Variants in SORCS1 observed in about 807,000 individuals in gnomAD.
SORCS1 encodes the protein VPS10 domain-containing receptor SorCS1.
In SORCS1, 60 loss-of-function variants were observed where a neutral mutation model predicts 146.1. The ratio of observed to expected loss-of-function variants is 0.41; its 90% CI spans 0.33 to 0.51. The LOEUF is 0.51. Among genes scored for constraint, SORCS1 ranks in the 20% least tolerant of loss-of-function variants. The pLI is 0.21. For synonymous variants in SORCS1, 637 were observed against 584.0 expected (o/e 1.09, Z -1.31); for missense variants, 1,352 against 1,487.6 (o/e 0.91, Z 1.50).
intron 2 of SORCS1, among the ~76,000 whole-genome samples, chr10:106,943,597 G>C (rs1054617342): frequency 2.0e-5 from 3 of 151,966 alleles, no homozygotes; most frequent in African/African-American, 7.3e-5. Context: ...CATGAGGTCA[G>C]GAGATCAAGA....
chr10:106,891,813 G>A (rs561902820), intron 2 of SORCS1, among the ~76,000 whole-genome samples: 1 of 152,234 alleles, frequency 6.6e-6, no homozygotes, highest in Admixed American at 6.5e-5. Context: ...GTTTGATAAA[G>A]ACATACAGGA....
At chr10:106,952,269 G>A (rs969304897) in intron 2 of SORCS1, among the ~76,000 whole-genome samples, 6 of 152,132 alleles carry the variant, frequency 3.9e-5, no homozygotes, top group African/African-American at 1.2e-4. Context: ...GTGACCAGAA[G>A]GGCTGAGATT....
At chr10:106,741,423 AC>A (rs1314874156) in intron 5 of SORCS1, among the ~76,000 whole-genome samples, 1 of 151,920 alleles carries the variant, frequency 6.6e-6, no homozygotes, top group Non-Finnish European at 1.5e-5. Flanking sequence ...ACATGGTGAA[AC>A]CCCGTTTCTA....
At chr10:106,870,665 T>TA (rs1427483526) in intron 2 of SORCS1, among the ~76,000 whole-genome samples, 2 of 152,190 alleles carry the variant, frequency 1.3e-5, no homozygotes, top group Non-Finnish European at 2.9e-5. Context: ...ACCCCTTCCT[T>TA]AGACTGTATA....
At chr10:106,996,225 TAAAA>T (rs376245294) in intron 1 of SORCS1, among the ~76,000 whole-genome samples, 2 of 99,658 alleles carry the variant, frequency 2.0e-5, no homozygotes, top group African/African-American at 4.2e-5. Context: ...AGACTCCATC[TAAAA>T]AAAAAAAAAA....
intron 1 of SORCS1, among the ~76,000 whole-genome samples, chr10:107,110,988 C>T (rs932756903): frequency 3.3e-5 from 5 of 152,120 alleles, no homozygotes; most frequent in Non-Finnish European, 7.4e-5. Context: ...TGGGTCCCCT[C>T]GTGGACTCAT....
At chr10:106,592,864 G>T (rs145926348) in intron 24 of SORCS1, among the ~76,000 whole-genome samples, 1 of 150,576 alleles carries the variant, frequency 6.6e-6, no homozygotes, top group South Asian at 2.1e-4. Flanking sequence ...AAAAGCAATT[G>T]TGGTGGCTCA....
intron 1 of SORCS1, among the ~76,000 whole-genome samples, chr10:107,059,747 T>G (rs1227650773): frequency 6.6e-6 from 1 of 152,154 alleles, no homozygotes; most frequent in Non-Finnish European, 1.5e-5. Flanking sequence ...TAATGAATTC[T>G]GTAAAATGAA....
intron 1 of SORCS1, among the ~76,000 whole-genome samples, chr10:107,084,104 T>G (rs1963572286): frequency 6.7e-6 from 1 of 148,254 alleles, no homozygotes; most frequent in African/African-American, 2.5e-5. Flanking sequence ...TTTTTTTTTT[T>G]TTTTTTTTTG....
intron 10 of SORCS1, among the ~76,000 whole-genome samples, chr10:106,686,967 C>G (rs753048514): frequency 2.0e-5 from 3 of 152,136 alleles, no homozygotes; most frequent in Non-Finnish European, 2.9e-5. Flanking sequence ...ACACACAACC[C>G]CCTCCCCTAC....
chr10:106,988,043 T>C (rs1410588522), intron 1 of SORCS1, among the ~76,000 whole-genome samples: 3 of 152,188 alleles, frequency 2.0e-5, no homozygotes, highest in Non-Finnish European at 4.4e-5. Context: ...CTCACTATAT[T>C]ACAGAAGAAT....
chr10:106,974,419 A>C (rs937513877), intron 1 of SORCS1, among the ~76,000 whole-genome samples: 8 of 152,200 alleles, frequency 5.3e-5, no homozygotes, highest in African/African-American at 1.9e-4. Context: ...TTGTGAGACC[A>C]GAGGAATGCA....
At chr10:106,780,944 T>G (rs1371236708) in intron 3 of SORCS1, among the ~76,000 whole-genome samples, 2 of 151,634 alleles carry the variant, frequency 1.3e-5, no homozygotes, top group Non-Finnish European at 2.9e-5. Flanking sequence ...GAACATGAAA[T>G]GCAATTTATA....
intron 2 of SORCS1, among the ~76,000 whole-genome samples, chr10:106,867,003 G>T: frequency 6.6e-6 from 1 of 152,184 alleles, no homozygotes; most frequent in Admixed American, 6.5e-5. Context: ...TAACCAGGCT[G>T]AGCTGGCTGG....
intron 1 of SORCS1, among the ~76,000 whole-genome samples, chr10:106,966,360 T>C (rs1321596033): frequency 6.6e-6 from 1 of 152,006 alleles, no homozygotes; most frequent in Non-Finnish European, 1.5e-5. Context: ...AATGAAAAAA[T>C]GGTAGAAACA....
chr10:106,776,315 T>C (rs956004682), intron 4 of SORCS1, among the ~76,000 whole-genome samples: 4 of 152,208 alleles, frequency 2.6e-5, no homozygotes, highest in Non-Finnish European at 5.9e-5. Context: ...TCTTACTTAG[T>C]ACACCTAATC....
chr10:106,589,514 C>T (rs909577065), intron 24 of SORCS1, among the ~76,000 whole-genome samples: 20 of 152,044 alleles, frequency 1.3e-4, no homozygotes, highest in Admixed American at 6.6e-5. Flanking sequence ...CAGCAGATTC[C>T]CCTCACCTGA....
chr10:107,098,326 A>G (rs1174567608), intron 1 of SORCS1, among the ~76,000 whole-genome samples: 4 of 152,234 alleles, frequency 2.6e-5, no homozygotes, highest in African/African-American at 9.6e-5. Context: ...ATCACTTAGT[A>G]GACAATAAGA....
intron 6 of SORCS1, among the ~76,000 whole-genome samples, chr10:106,722,330 C>T (rs7893643): frequency 0.42 from 63,517 of 151,862 alleles, 13,311 homozygotes; most frequent in South Asian, 0.46. Flanking sequence ...TTCAGCAGCG[C>T]TTACCTTATC....
Sources: allele counts gnomAD v4.1 joint callset (sites outside exome capture counted in the v4.1 genomes callset), GRCh38; gene constraint gnomAD v4.1.1; transcripts MANE v1.5; gene names NCBI Gene and HGNC (gene_info 2026-07-23, HGNC 2026-07-21).